Variants in PITPNC1 observed in about 807,000 individuals in gnomAD.
PITPNC1 encodes cytoplasmic phosphatidylinositol transfer protein 1.
In PITPNC1, 18 loss-of-function variants were observed where a neutral mutation model predicts 44.7. The ratio of observed to expected loss-of-function variants is 0.40; its 90% CI spans 0.28 to 0.60. PITPNC1 has a LOEUF of 0.60. PITPNC1 is among the 20% of genes least tolerant of loss of function. The pLI, the probability that PITPNC1 is intolerant of heterozygous loss-of-function variation, is 0.39. For synonymous variants in PITPNC1, 141 were observed against 149.6 expected (o/e 0.94, Z 0.42); for missense variants, 290 against 418.4 (o/e 0.69, Z 2.68).
At chr17:67,485,157 C>G (rs1386749603) in intron 1 of PITPNC1, among the ~76,000 whole-genome samples, 1 of 152,030 alleles carries the variant, frequency 6.6e-6, no homozygotes, top group Non-Finnish European at 1.5e-5. Context: ...AACCACTTGG[C>G]TAAACTGTCT....
chr17:67,479,161 G>A (rs896681487), intron 1 of PITPNC1, among the ~76,000 whole-genome samples: 13 of 152,148 alleles, frequency 8.5e-5, no homozygotes, highest in African/African-American at 2.9e-4. Flanking sequence ...TAGTACCTGA[G>A]CAGACAGTTA....
intron 1 of PITPNC1, among the ~76,000 whole-genome samples, chr17:67,444,434 G>A (rs1358406617): frequency 6.6e-6 from 1 of 151,946 alleles, no homozygotes; most frequent in East Asian, 2.0e-4. Context: ...GGGTGGCGGA[G>A]GGGGGTGAGC....
chr17:67,410,481 C>T (rs537212127), intron 1 of PITPNC1, among the ~76,000 whole-genome samples: 3 of 152,178 alleles, frequency 2.0e-5, no homozygotes, highest in South Asian at 4.1e-4. Flanking sequence ...CCTCCCAATC[C>T]CGAGTGATCC....
chr17:67,560,398 G>A (rs1598821449), intron 4 of PITPNC1, among the ~76,000 whole-genome samples: 2 of 152,206 alleles, frequency 1.3e-5, no homozygotes, highest in East Asian at 3.8e-4. Flanking sequence ...ATGCCCAACA[G>A]TAATGGAAGT....
rs567251759 is a variant in PITPNC1 at position 67,425,176 on chromosome 17, A to G, written c.48+46974A>G. Reference sequence around the variant, plus strand: ...CCGCCTGCACCCAGGTGAAATAAACAGCCATGTTGTGCGCGCGCACGCACA... The same window carrying G: ...CCGCCTGCACCCAGGTGAAATAAACGGCCATGTTGTGCGCGCGCACGCACA... On this transcript the variant is annotated intron_variant, in intron 1 of 8. Coordinates refer to ENST00000581322, the MANE Select transcript of PITPNC1 (RefSeq NM_012417.4). Among the ~76,000 whole-genome samples, 60 of 138,474 alleles carry G rather than the reference A, an allele frequency of 4.3e-4. 1 individual carries two copies. Among genetic ancestry groups the G allele is most frequent in the Middle Eastern group, 7.5e-3 (2 of 268 alleles). 90.8% of individuals were successfully genotyped at this position (138,474 alleles called of 152,430 possible).
At chr17:67,477,557 TTTTA>T (rs1437245933) in intron 1 of PITPNC1, among the ~76,000 whole-genome samples, 1 of 143,306 alleles carries the variant, frequency 7.0e-6, no homozygotes, top group Non-Finnish European at 1.6e-5. Flanking sequence ...CCCAGCTCAT[TTTTA>T]TTTATTTATT....
At chr17:67,385,700 C>CGTGG (rs1454684752) in intron 1 of PITPNC1, among the ~76,000 whole-genome samples, 1 of 152,014 alleles carries the variant, frequency 6.6e-6, no homozygotes, top group East Asian at 1.9e-4. Context: ...CACAGTTCCA[C>CGTGG]AGCCAGGGGA....
chr17:67,677,592 G>C (rs1440228213), intron 8 of PITPNC1, among the ~76,000 whole-genome samples: 3 of 146,506 alleles, frequency 2.0e-5, no homozygotes, highest in Non-Finnish European at 4.4e-5. Flanking sequence ...TTTTGAGACA[G>C]AGTCTCGCAC....
rs146967545 is a variant in PITPNC1, at chr17:67,632,002, G to A, written c.367-141G>A. On this transcript the variant is annotated intron_variant, in intron 5 of 8. Transcript: ENST00000581322. ...AATCAAAGCCTTCTATGATTCTTGCGCATTCTGAGGCTGGTGAAAGCACTA... is the reference window on the plus strand; with the variant it reads ...AATCAAAGCCTTCTATGATTCTTGCACATTCTGAGGCTGGTGAAAGCACTA... 103 of 599,836 alleles carry A rather than the reference G, an allele frequency of 1.7e-4. 1 individual carries two copies. Among genetic ancestry groups the A allele is most frequent in the South Asian group, 1.4e-3 (68 of 47,866 alleles). 37.2% of individuals were successfully genotyped at this position (599,836 alleles called of 1,614,324 possible). A position where few individuals can be genotyped will look rare whatever the true frequency, so the allele number is the denominator to read the frequency against.
At chr17:67,620,483 C>T (rs2144311318) in intron 5 of PITPNC1, among the ~76,000 whole-genome samples, 1 of 152,288 alleles carries the variant, frequency 6.6e-6, no homozygotes, top group South Asian at 2.1e-4. Flanking sequence ...CAGAGGTGTT[C>T]TCTGGAGCTC....
intron 5 of PITPNC1, among the ~76,000 whole-genome samples, chr17:67,583,527 G>T (rs569687976): frequency 1.3e-5 from 2 of 149,222 alleles, no homozygotes; most frequent in Non-Finnish European, 3.0e-5. Flanking sequence ...GGCGGAGGTT[G>T]CAGGGAGCCG....
intron 8 of PITPNC1, among the ~76,000 whole-genome samples, chr17:67,683,162 C>CAAAAAAAAAAAA (rs901577194): frequency 7.2e-5 from 3 of 41,514 alleles, no homozygotes; most frequent in East Asian, 1.3e-3. Flanking sequence ...AACTGAGTCT[C>CAAAAAAAAAAAA]AAAAAAAAAA....
chr17:67,401,758 G>A (rs754468763), intron 1 of PITPNC1, among the ~76,000 whole-genome samples: 2 of 151,940 alleles, frequency 1.3e-5, no homozygotes, highest in Non-Finnish European at 2.9e-5. Flanking sequence ...GCAGAGAATT[G>A]TTTGAACCCA....
At chr17:67,382,671 C>G (rs1460902888) in intron 1 of PITPNC1, among the ~76,000 whole-genome samples, 1 of 152,156 alleles carries the variant, frequency 6.6e-6, no homozygotes, top group African/African-American at 2.4e-5. Flanking sequence ...GTCGCCCAGG[C>G]TGGAGTGCAG....
intron 1 of PITPNC1, among the ~76,000 whole-genome samples, chr17:67,446,467 C>T (rs956701280): frequency 6.7e-6 from 1 of 149,450 alleles, no homozygotes; most frequent in South Asian, 2.1e-4. Flanking sequence ...GGATAACCCA[C>T]AGACATTGAG....
intron 6 of PITPNC1, among the ~76,000 whole-genome samples, chr17:67,641,535 G>C (rs1030471528): frequency 6.6e-6 from 1 of 151,902 alleles, no homozygotes; most frequent in Non-Finnish European, 1.5e-5. Flanking sequence ...AGTGGCTCAC[G>C]CCTGTAATCC....
At chr17:67,412,657 C>A (rs1292601169) in intron 1 of PITPNC1, among the ~76,000 whole-genome samples, 1 of 152,138 alleles carries the variant, frequency 6.6e-6, no homozygotes, top group African/African-American at 2.4e-5. Flanking sequence ...ACCTCCACCT[C>A]CCGGGTTCAA....
intron 6 of PITPNC1, among the ~76,000 whole-genome samples, chr17:67,635,555 G>A (rs989274602): frequency 2.6e-5 from 4 of 152,144 alleles, no homozygotes; most frequent in African/African-American, 9.7e-5. Context: ...CAATTTGAGA[G>A]TATTTGGCGA....
intron 1 of PITPNC1, among the ~76,000 whole-genome samples, chr17:67,421,601 A>T (rs754126159): frequency 1.3e-5 from 2 of 151,722 alleles, no homozygotes; most frequent in African/African-American, 2.4e-5. Flanking sequence ...AACTTTTGAA[A>T]CCCATTTTTG....
Sources: allele counts gnomAD v4.1 joint callset (sites outside exome capture counted in the v4.1 genomes callset), GRCh38; gene constraint gnomAD v4.1.1; transcripts MANE v1.5; gene names NCBI Gene and HGNC (gene_info 2026-07-23, HGNC 2026-07-21).